Variants in BAIAP2L1 observed in about 807,000 individuals in gnomAD.
The protein encoded by BAIAP2L1 is BAR/IMD domain containing adaptor protein 2 like 1, also known as BAR/IMD domain-containing adapter protein 2-like 1.
In BAIAP2L1, 35 loss-of-function variants were observed where a neutral mutation model predicts 66.3. The observed-to-expected ratio is 0.53, with a 90% CI of 0.40 to 0.70. BAIAP2L1 has a LOEUF of 0.70. BAIAP2L1 is among the 30% of genes least tolerant of loss of function. The pLI, the probability that BAIAP2L1 is intolerant of heterozygous loss-of-function variation, is 0.00. For synonymous variants in BAIAP2L1, 269 were observed against 248.7 expected (o/e 1.08, Z -0.77); for missense variants, 622 against 656.9 (o/e 0.95, Z 0.58).
intron 1 of BAIAP2L1, among the ~76,000 whole-genome samples, chr7:98,378,791 A>C (rs1040759900): frequency 6.6e-6 from 1 of 150,756 alleles, no homozygotes; most frequent in Non-Finnish European, 1.5e-5. Context: ...ACACGCCACC[A>C]TGTCCATGGC....
chr7:98,339,535 C>T (rs1384865313), intron 3 of BAIAP2L1, among the ~76,000 whole-genome samples: 1 of 152,224 alleles, frequency 6.6e-6, no homozygotes, highest in Non-Finnish European at 1.5e-5. Context: ...TAACCCCCCA[C>T]CAGAACTGTC....
chr7:98,332,332 G>A lies in BAIAP2L1; in HGVS notation c.215-12034C>T, dbSNP rs539641922. On this transcript the variant is annotated intron_variant, in intron 3 of 13. Transcript: ENST00000005260. The stretch of plus-strand genomic sequence containing the variant: ...CAGGAGGCAGAGGTTGCAGTGACCC[G>A]AGATCGCTCCACTGCACTCCAGCCT... Among the ~76,000 whole-genome samples, 3 of 116,594 alleles carry A rather than the reference G, an allele frequency of 2.6e-5. No individual in the cohort carries two copies. The South Asian group carries it at 9.2e-4, about 36-fold the overall frequency. The allele number at this position is 116,594 out of a possible 152,430, so 76.5% of individuals were successfully genotyped here.
intron 6 of BAIAP2L1, among the ~76,000 whole-genome samples, chr7:98,316,526 A>T (rs947836957): frequency 6.6e-6 from 1 of 152,192 alleles, no homozygotes; most frequent in Non-Finnish European, 1.5e-5. Flanking sequence ...GCTTATTTTT[A>T]AAAACTGATA....
At chr7:98,381,541 T>C (rs1802759281) in intron 1 of BAIAP2L1, among the ~76,000 whole-genome samples, 1 of 152,166 alleles carries the variant, frequency 6.6e-6, no homozygotes, top group African/African-American at 2.4e-5. Flanking sequence ...TAGAAGAATA[T>C]TCTCAGAGTC....
intron 3 of BAIAP2L1, among the ~76,000 whole-genome samples, chr7:98,346,008 T>C (rs891835475): frequency 6.6e-6 from 1 of 152,094 alleles, no homozygotes; most frequent in Non-Finnish European, 1.5e-5. Context: ...CAACTGCTAA[T>C]GGGTGAGGGT....
intron 1 of BAIAP2L1, among the ~76,000 whole-genome samples, chr7:98,371,759 G>A (rs1047559977): frequency 2.0e-5 from 3 of 151,650 alleles, no homozygotes; most frequent in African/African-American, 7.3e-5. Flanking sequence ...AAGCTGAGTG[G>A]ACTTTAAACT....
At chr7:98,380,736 G>GT (rs11293027) in intron 1 of BAIAP2L1, among the ~76,000 whole-genome samples, 209 of 115,162 alleles carry the variant, frequency 1.8e-3, no homozygotes, top group South Asian at 0.011. Flanking sequence ...TATCCGGTCC[G>GT]TTTTTTTTTT....
chr7:98,386,713 T>C (rs1802901924), intron 1 of BAIAP2L1: 1 of 760,804 alleles, frequency 1.3e-6, no homozygotes, highest in African/African-American at 1.9e-5. Context: ...TTTTTTTTTT[T>C]TTTTGGTGAC....
intron 3 of BAIAP2L1, among the ~76,000 whole-genome samples, chr7:98,347,341 T>G (rs1801894568): frequency 1.3e-5 from 2 of 152,300 alleles, no homozygotes; most frequent in South Asian, 4.1e-4. Context: ...TTAACAAACA[T>G]TTTTAAAGGT....
chr7:98,315,470 T>C lies in BAIAP2L1; in HGVS notation c.629A>G (p.Tyr210Cys). Residue 210 changes from tyrosine (Y) to cysteine (C), a missense_variant, in exon 7 of 14, where the codon TAT becomes TGT. Transcript: ENST00000005260. The stretch of plus-strand genomic sequence containing the variant: ...TGCCACCACACCCACCTGTAAGTGA[T>C]AATAATGTATGTGGTTTGCAAAGCC... ...HCGFANHIHY[Y>C]HLQSAELLNS... is the part of the protein sequence containing the mutation. 3.4e-6 allele frequency: 5 copies of C among 1,482,686 alleles called. No homozygotes were observed. Among genetic ancestry groups the C allele is most frequent in the Non-Finnish European group, 4.5e-6 (5 of 1,111,046 alleles). 91.8% of individuals were successfully genotyped at this position (1,482,686 alleles called of 1,614,324 possible).
rs1800034026 is a variant in BAIAP2L1 at position 98,292,996 on chromosome 7, C to T, written c.*525G>A. ...TTTCTCCATCTCTGGAAGCTCTACA[C>T]TTAAACATTTTAAGTTAAATTACAT... On this transcript the variant is annotated 3_prime_UTR_variant, in exon 14 of 14. Coordinates refer to ENST00000005260, the MANE Select transcript of BAIAP2L1 (RefSeq NM_018842.5). 1 of 1,149,550 alleles carries T rather than the reference C, an allele frequency of 8.7e-7. No homozygotes were observed. Among genetic ancestry groups the T allele is most frequent in the African/African-American group, 1.6e-5 (1 of 62,714 alleles). 71.2% of individuals were successfully genotyped at this position (1,149,550 alleles called of 1,614,324 possible). A position where few individuals can be genotyped will look rare whatever the true frequency, so the allele number is the denominator to read the frequency against.
chr7:98,386,434 T>G lies in BAIAP2L1; in HGVS notation c.51+14368A>C. 1.9e-6 allele frequency: 3 copies of G among 1,596,516 alleles called. No homozygotes were observed. The South Asian group carries it at 3.3e-5, about 18-fold the overall frequency. On this transcript the variant is annotated intron_variant, in intron 1 of 13. Transcript: ENST00000005260. ...GATGCAATTTTGGTTCCTTGGGTCC[T>G]GGTGACGAGCGTCTTTCCAATATTT... is the stretch of plus-strand genomic sequence containing the variant.
At chr7:98,390,320 G>A (rs756229489) in intron 1 of BAIAP2L1, among the ~76,000 whole-genome samples, 2 of 152,108 alleles carry the variant, frequency 1.3e-5, no homozygotes, top group Admixed American at 1.3e-4. Context: ...TGCAAACAGA[G>A]GTAGGAGATG....
chr7:98,397,391 C>T (rs1365874097), intron 1 of BAIAP2L1, among the ~76,000 whole-genome samples: 1 of 131,450 alleles, frequency 7.6e-6, no homozygotes, highest in Non-Finnish European at 1.5e-5. Context: ...GTGGCGCCAT[C>T]TTGGCTCACT....
chr7:98,378,434 C>T lies in BAIAP2L1; in HGVS notation c.52-16002G>A, dbSNP rs576835702. Among the ~76,000 whole-genome samples the T allele has an allele frequency of 2.0e-5, 3 of 152,308 alleles. No individual in the cohort carries two copies. The East Asian group carries it at 5.8e-4, about 29-fold the overall frequency. Reference sequence around the variant, plus strand: ...GTTTGGGCTGAGGCACACTGGCCTCCGGGCTGTTCTCCAAACAGGTCACAT... The same window carrying T: ...GTTTGGGCTGAGGCACACTGGCCTCTGGGCTGTTCTCCAAACAGGTCACAT... On this transcript the variant is annotated intron_variant, in intron 1 of 13. Transcript: ENST00000005260.
In BAIAP2L1 at chr7:98,310,473, C is replaced by T. The variant is rs149722932; in HGVS notation, c.927G>A (p.Pro309=). 2.2e-5 allele frequency: 35 copies of T among 1,600,302 alleles called. No homozygotes were observed. Among genetic ancestry groups the T allele is most frequent in the African/African-American group, 2.7e-5 (2 of 74,084 alleles). Residue 309 remains proline (P), a synonymous_variant, in exon 9 of 14, where the codon CCG becomes CCA. Transcript: ENST00000005260. ...DMFNNPATAA[P]NSQRVNNSTG... ...TTGAATTATTTACCCTTTGTGAATT[C>T]GGGGCAGCCGTGGCTGGGTTATTAA...
chr7:98,373,232 C>A (rs1310656906), intron 1 of BAIAP2L1, among the ~76,000 whole-genome samples: 1 of 152,140 alleles, frequency 6.6e-6, no homozygotes, highest in Non-Finnish European at 1.5e-5. Flanking sequence ...GCTGTTCATA[C>A]CCATCATGAA....
chr7:98,366,151 G>A (rs1295024428), intron 1 of BAIAP2L1, among the ~76,000 whole-genome samples: 1 of 152,126 alleles, frequency 6.6e-6, no homozygotes, highest in South Asian at 2.1e-4. Context: ...ATCATCGGAT[G>A]GTCAGCTTTC....
At chr7:98,399,536 CACCAACCA>C (rs973563415) in intron 1 of BAIAP2L1, among the ~76,000 whole-genome samples, 1 of 152,152 alleles carries the variant, frequency 6.6e-6, no homozygotes, top group Non-Finnish European at 1.5e-5. Context: ...AGATAAAACA[CACCAACCA>C]ACCAACCGAC....
Sources: allele counts gnomAD v4.1 joint callset (sites outside exome capture counted in the v4.1 genomes callset), GRCh38; gene constraint gnomAD v4.1.1; transcripts MANE v1.5; gene names NCBI Gene and HGNC (gene_info 2026-07-23, HGNC 2026-07-21).